The following CLNK variants were observed in gnomAD, a reference collection of about 807,000 sequenced individuals.
CLNK encodes cytokine dependent hematopoietic cell linker, also known as cytokine-dependent hematopoietic cell linker.
A neutral mutation model predicts 68.6 loss-of-function variants in CLNK; 74 were observed. That is an observed-to-expected ratio of 1.08 (90% CI 0.89 to 1.31). The LOEUF is 1.31. Among genes scored for constraint, CLNK ranks in the 50% most tolerant of loss-of-function variants. The pLI is 0.00. For synonymous variants in CLNK, 198 were observed against 172.2 expected (o/e 1.15, Z -1.17); for missense variants, 553 against 515.3 (o/e 1.07, Z -0.71).
At chr4:10,572,911 C>T (rs7696635) in intron 4 of CLNK, among the ~76,000 whole-genome samples, 1 of 152,098 alleles carries the variant, frequency 6.6e-6, no homozygotes, top group African/African-American at 2.4e-5. Context: ...TCACTGCAAC[C>T]TCCACCTCCT....
chr4:10,647,771 T>C (rs1297240278), intron 2 of CLNK, among the ~76,000 whole-genome samples: 1 of 152,200 alleles, frequency 6.6e-6, no homozygotes, highest in Non-Finnish European at 1.5e-5. Flanking sequence ...AAAAAATGTT[T>C]CACTTGTTCA....
At chr4:10,571,629 C>T (rs777516260) in intron 5 of CLNK, 112 bp downstream of exon 5, 5 of 863,634 alleles carry the variant, frequency 5.8e-6, no homozygotes, top group South Asian at 1.5e-5. Flanking sequence ...AACCACTGCA[C>T]GCAGCCTGTT....
intron 17 of CLNK, among the ~76,000 whole-genome samples, chr4:10,502,276 G>C (rs1320390523): frequency 6.6e-6 from 1 of 152,202 alleles, no homozygotes; most frequent in Non-Finnish European, 1.5e-5. Flanking sequence ...GGGGAAGCAA[G>C]CTTGGACCTT....
Position 10,540,606 on chromosome 4 carries a change from T to G in CLNK, c.492-2A>C. ...TTCTTCGGAAGTGTTATGAGAGGCC[T>G]GTGTGGAGAGTCGCAGTAGGGTCCT... On this transcript the variant is annotated splice_acceptor_variant, in intron 10 of 18. Transcript: ENST00000226951. LOFTEE classifies it high-confidence loss of function. The G allele has an allele frequency of 6.2e-7, 1 of 1,609,886 alleles. No individual in the cohort carries two copies. The highest frequency in any genetic ancestry group is 8.5e-7 in the Non-Finnish European group (1 of 1,176,252).
At chr4:10,554,095 A>G (rs1041684228) in intron 8 of CLNK, among the ~76,000 whole-genome samples, 4 of 152,180 alleles carry the variant, frequency 2.6e-5, no homozygotes, top group Non-Finnish European at 4.4e-5. Context: ...CATGTAAGAC[A>G]TGCAGGTATA....
chr4:10,539,475 A>G (rs1718931097), intron 11 of CLNK, among the ~76,000 whole-genome samples: 1 of 152,222 alleles, frequency 6.6e-6, no homozygotes, highest in Admixed American at 6.5e-5. Flanking sequence ...CAAACTGCTG[A>G]TGCAAGCTTG....
intron 18 of CLNK, among the ~76,000 whole-genome samples, chr4:10,493,392 G>A (rs1716672837): frequency 6.6e-6 from 1 of 152,150 alleles, no homozygotes; most frequent in African/African-American, 2.4e-5. Flanking sequence ...TCACTTTCTG[G>A]AGTCTGGGGA....
chr4:10,666,893 G>A (rs776243817), intron 2 of CLNK, among the ~76,000 whole-genome samples: 17 of 152,174 alleles, frequency 1.1e-4, no homozygotes, highest in South Asian at 4.2e-4. Flanking sequence ...CTGAGATACC[G>A]GGGCTGTCAC....
chr4:10,653,075 C>A (rs1039381949), intron 2 of CLNK, among the ~76,000 whole-genome samples: 2 of 152,124 alleles, frequency 1.3e-5, no homozygotes, highest in Non-Finnish European at 2.9e-5. Context: ...TCATTCACAG[C>A]AAACTAACAC....
chr4:10,596,122 T>C (rs923853428), intron 3 of CLNK, among the ~76,000 whole-genome samples: 17 of 152,152 alleles, frequency 1.1e-4, no homozygotes, highest in Non-Finnish European at 1.5e-5. Context: ...GCCTCCCGGG[T>C]TCAAGTGATT....
chr4:10,537,637 C>CCCTTTCTTCCTTTCTT (rs1553848137), intron 11 of CLNK, among the ~76,000 whole-genome samples: 15 of 76,246 alleles, frequency 2.0e-4, no homozygotes, highest in Non-Finnish European at 3.1e-4. Context: ...TTCTTTCTTT[C>CCCTTTCTTCCTTTCTT]TCTTTCTTTC....
At chr4:10,506,194 C>A (rs2109029750) in intron 17 of CLNK, among the ~76,000 whole-genome samples, 1 of 152,248 alleles carries the variant, frequency 6.6e-6, no homozygotes, top group South Asian at 2.1e-4. Flanking sequence ...GACAAGTATT[C>A]CAGTTCTTTT....
chr4:10,596,409 T>C (rs1286995122), intron 3 of CLNK, among the ~76,000 whole-genome samples: 1 of 152,222 alleles, frequency 6.6e-6, no homozygotes, highest in Non-Finnish European at 1.5e-5. Flanking sequence ...GCAGCTCAGA[T>C]GAGGTTGAAA....
intron 4 of CLNK, among the ~76,000 whole-genome samples, chr4:10,573,119 G>A (rs765758349): frequency 1.1e-4 from 16 of 152,174 alleles, no homozygotes; most frequent in Non-Finnish European, 2.4e-4. Flanking sequence ...ATGAGCCATG[G>A]CACCTGGCCT....
At chr4:10,663,066 T>C (rs1004949139) in intron 2 of CLNK, among the ~76,000 whole-genome samples, 2 of 152,206 alleles carry the variant, frequency 1.3e-5, no homozygotes, top group Admixed American at 1.3e-4. Flanking sequence ...CAGGTGACTT[T>C]GTCTCTTCCA....
chr4:10,564,507 A>C (rs745670101), intron 7 of CLNK, among the ~76,000 whole-genome samples, 164 bp downstream of exon 7: 1 of 152,140 alleles, frequency 6.6e-6, no homozygotes, highest in Non-Finnish European at 1.5e-5. Context: ...CAGTCATAAG[A>C]GTCACCTCCT....
At chr4:10,592,882 T>A (rs1476343999) in intron 3 of CLNK, among the ~76,000 whole-genome samples, 1 of 151,758 alleles carries the variant, frequency 6.6e-6, no homozygotes, top group Admixed American at 6.6e-5. Flanking sequence ...CCCACTACCA[T>A]GCCTGGCTAA....
chr4:10,572,266 A>G lies in CLNK; in HGVS notation c.113-488T>C, dbSNP rs35802474. 5.8e-3 allele frequency among the ~76,000 whole-genome samples: 890 copies of G among 152,374 alleles called. 13 individuals carry two copies. Among genetic ancestry groups the G allele is most frequent in the Middle Eastern group, 6.8e-3 (2 of 294 alleles). ...TTGAGGACAGAAGTCATAGCTATTC[A>G]TTCATCTATTTCTAGCACCTGGCAT... On this transcript the variant is annotated intron_variant, in intron 4 of 18. Transcript: ENST00000226951.
At chr4:10,539,214 A>G (rs1022738276) in intron 11 of CLNK, among the ~76,000 whole-genome samples, 5 of 152,244 alleles carry the variant, frequency 3.3e-5, no homozygotes, top group African/African-American at 1.2e-4. Context: ...AAAGGGGGAC[A>G]GAAAAGGAGG....
Sources: gnomAD v4.1 joint callset for allele counts (sites outside exome capture counted in the v4.1 genomes callset) on GRCh38, gnomAD v4.1.1 for gene constraint, MANE v1.5 for transcripts, NCBI Gene and HGNC (gene_info 2026-07-23, HGNC 2026-07-21) for gene names.